The following NUP210L variants were observed in gnomAD, a reference collection of about 807,000 sequenced individuals.
The protein encoded by NUP210L is nuclear pore membrane glycoprotein 210-like.
NUP210L carries 74 observed loss-of-function variants against 208.5 expected under a neutral mutation model. The observed-to-expected ratio is 0.35, with a 90% CI of 0.29 to 0.43. The LOEUF (loss-of-function observed/expected upper bound fraction) is 0.43. NUP210L is among the 20% of genes least tolerant of loss of function. The probability of loss-of-function intolerance (pLI) is 1.00; values close to 1 mark genes in which losing one functional copy is unlikely to be tolerated. For synonymous variants in NUP210L, 780 were observed against 816.9 expected (o/e 0.95, Z 0.77); for missense variants, 1,843 against 2,289.4 (o/e 0.81, Z 3.98).
At chr1:154,053,875 C>A (rs1480855796) in intron 25 of NUP210L, among the ~76,000 whole-genome samples, 1 of 152,184 alleles carries the variant, frequency 6.6e-6, no homozygotes, top group African/African-American at 2.4e-5. Context: ...TCTAGTGCTG[C>A]TGGGTTAGGG....
At chr1:154,008,988 C>T (rs923126387) in intron 35 of NUP210L, among the ~76,000 whole-genome samples, 4 of 151,726 alleles carry the variant, frequency 2.6e-5, no homozygotes, top group African/African-American at 9.7e-5. Context: ...TGGCTCATTG[C>T]AACTTCCATC....
At chr1:154,073,889 G>A (rs1010085274) in intron 16 of NUP210L, among the ~76,000 whole-genome samples, 3 of 151,840 alleles carry the variant, frequency 2.0e-5, no homozygotes, top group South Asian at 2.1e-4. Context: ...CAGGCTCATA[G>A]GTAAGCTGAT....
intron 35 of NUP210L, among the ~76,000 whole-genome samples, chr1:154,002,731 C>A (rs948464767): frequency 1.3e-5 from 2 of 151,646 alleles, no homozygotes; most frequent in Non-Finnish European, 2.9e-5. Context: ...TCCCAAAGTG[C>A]TGGGTTTACA....
chr1:154,001,153 G>C, intron 36 of NUP210L, 93 bp from the exon 37 acceptor site: 2 of 998,144 alleles, frequency 2.0e-6, no homozygotes, highest in Non-Finnish European at 3.0e-6. Flanking sequence ...TACAATAATT[G>C]TCAAGATCTG....
intron 31 of NUP210L, among the ~76,000 whole-genome samples, 160 bp downstream of exon 31, chr1:154,022,962 C>G (rs1356254190): frequency 6.6e-6 from 1 of 152,012 alleles, no homozygotes; most frequent in Non-Finnish European, 1.5e-5. Flanking sequence ...CAGGTGTGAG[C>G]CACCCACCTG....
chr1:154,048,942 GA>G (rs886314143), intron 25 of NUP210L, among the ~76,000 whole-genome samples: 2 of 152,122 alleles, frequency 1.3e-5, no homozygotes, highest in Non-Finnish European at 2.9e-5. Context: ...TGGAAATGGG[GA>G]AAAGTGAAAA....
chr1:154,109,172 A>T (rs1198253654), intron 12 of NUP210L, among the ~76,000 whole-genome samples: 8 of 151,620 alleles, frequency 5.3e-5, no homozygotes, highest in Non-Finnish European at 1.2e-4. Context: ...ATAAAGACAC[A>T]TGTAGACTGA....
chr1:154,003,295 C>T (rs1269066752), intron 35 of NUP210L, among the ~76,000 whole-genome samples: 1 of 151,896 alleles, frequency 6.6e-6, no homozygotes, highest in Non-Finnish European at 1.5e-5. Flanking sequence ...GCAAGCTCTG[C>T]CTCCCAGGTT....
exon 40 of NUP210L, chr1:153,992,749 T>C (rs758576732): frequency 5.9e-6 from 5 of 851,626 alleles, no homozygotes; most frequent in Non-Finnish European, 9.4e-6. Context: ...TCTGGAAACT[T>C]AATGTAGAAG....
intron 7 of NUP210L, among the ~76,000 whole-genome samples, chr1:154,130,576 A>AT (rs765115829): frequency 0.038 from 3,734 of 98,892 alleles, 87 homozygotes; most frequent in Non-Finnish European, 0.045. Flanking sequence ...CCTGGCCCCA[A>AT]TTTTTTTTTT....
intron 12 of NUP210L, among the ~76,000 whole-genome samples, chr1:154,116,272 A>G (rs1383629243): frequency 3.3e-5 from 5 of 151,024 alleles, no homozygotes; most frequent in Non-Finnish European, 7.4e-5. Flanking sequence ...AAAAAAAAAA[A>G]AATTAGTTGG....
At chr1:154,124,044 G>A (rs1445878250) in intron 10 of NUP210L, among the ~76,000 whole-genome samples, 12 of 151,122 alleles carry the variant, frequency 7.9e-5, no homozygotes, top group African/African-American at 2.4e-4. Context: ...AAAATTAGCC[G>A]GGCGTGGTGG....
intron 7 of NUP210L, among the ~76,000 whole-genome samples, chr1:154,135,020 G>A (rs1658465512): frequency 6.6e-6 from 1 of 152,076 alleles, no homozygotes; most frequent in Admixed American, 6.6e-5. Context: ...TTACATGCGT[G>A]AGCCACCACG....
chr1:154,001,120 G>A (rs997717420), intron 36 of NUP210L, 60 bp from the exon 37 acceptor site: 16 of 1,360,030 alleles, frequency 1.2e-5, no homozygotes, highest in Non-Finnish European at 1.6e-5. Context: ...GTATCAGTAT[G>A]TTCCAATCTG....
intron 2 of NUP210L, among the ~76,000 whole-genome samples, chr1:154,146,088 A>G (rs1437302662): frequency 6.6e-6 from 1 of 152,158 alleles, no homozygotes; most frequent in Non-Finnish European, 1.5e-5. Flanking sequence ...AGAAATGGCT[A>G]AGATGACCCT....
chr1:154,096,286 T>C (rs767155439), intron 14 of NUP210L, among the ~76,000 whole-genome samples: 2 of 152,202 alleles, frequency 1.3e-5, no homozygotes, highest in Non-Finnish European at 2.9e-5. Flanking sequence ...TTGAGTACTA[T>C]TAAAACTGAA....
intron 6 of NUP210L, 29 bp downstream of exon 6, chr1:154,138,077 G>T: frequency 6.9e-7 from 1 of 1,450,966 alleles, no homozygotes; most frequent in Non-Finnish European, 9.1e-7. Context: ...GGAAATGTGA[G>T]TCATAGGAGA....
chr1:154,000,914 T>A (rs777439302), exon 37 of NUP210L: 8 of 1,613,904 alleles, frequency 5.0e-6, no homozygotes, highest in Admixed American at 1.7e-5. Flanking sequence ...GACTGGTGAG[T>A]ACACAGGAAA....
chr1:154,138,670 T>G, intron 5 of NUP210L, among the ~76,000 whole-genome samples: 1 of 152,196 alleles, frequency 6.6e-6, no homozygotes, highest in Non-Finnish European at 1.5e-5. Context: ...GGCTTCTCTC[T>G]AGGAGGTCCA....
Sources: gnomAD v4.1 joint callset for allele counts (sites outside exome capture counted in the v4.1 genomes callset) on GRCh38, gnomAD v4.1.1 for gene constraint, MANE v1.5 for transcripts, NCBI Gene and HGNC (gene_info 2026-07-23, HGNC 2026-07-21) for gene names.